FGF23: variants seen among roughly 807,000 people sequenced by gnomAD.
FGF23 encodes the protein fibroblast growth factor 23, also known as phosphatonin.
A neutral mutation model predicts 9.0 loss-of-function variants in FGF23; 8 were observed. That is an observed-to-expected ratio of 0.89 (90% CI 0.52 to 1.60). FGF23 has a LOEUF of 1.60. Among genes scored for constraint, FGF23 ranks in the 40% most tolerant of loss-of-function variants. The probability of loss-of-function intolerance (pLI) is 0.00; values close to 1 mark genes in which losing one functional copy is unlikely to be tolerated. For missense variants in FGF23, 311 were observed against 344.3 expected, an observed-to-expected ratio of 0.90 and a Z score of 0.77; for synonymous variants, 118 against 146.2, an observed-to-expected ratio of 0.81 and a Z score of 1.39.
chr12:4,375,216 C>T (rs1381612520), intron 1 of FGF23, among the ~76,000 whole-genome samples: 14 of 152,196 alleles, frequency 9.2e-5, no homozygotes, highest in Admixed American at 9.2e-4. Context: ...AAACAGAGGA[C>T]ATCACGTGGC....
Position 4,370,424 on chromosome 12 carries a change from C to A in FGF23, c.675G>T (p.Gly225=), listed in dbSNP as rs764669949. 1 of 1,613,680 alleles carries A rather than the reference C, an allele frequency of 6.2e-7. No homozygotes were observed. Among genetic ancestry groups the A allele is most frequent in the African/African-American group, 1.3e-5 (1 of 74,898 alleles). Residue 225 remains glycine (G), a synonymous_variant, in exon 3 of 3, where the codon GGG becomes GGT. Transcript: ENST00000237837. The part of the protein sequence containing the change: ...DNSPMASDPL[G]VVRGGRVNTH... ...TGTTCACTCGACCGCCCCTGACCAC[C>A]CCTAATGGGTCACTGGCCATCGGGC... is the stretch of plus-strand genomic sequence containing the variant.
At chr12:4,376,176 G>T (rs549880877) in intron 1 of FGF23, among the ~76,000 whole-genome samples, 2 of 152,134 alleles carry the variant, frequency 1.3e-5, no homozygotes, top group East Asian at 3.9e-4. Flanking sequence ...TTCATGGAAC[G>T]GGTGATAAGG....
chr12:4,377,201 T>G (rs1265935464), intron 1 of FGF23, among the ~76,000 whole-genome samples: 1 of 151,940 alleles, frequency 6.6e-6, no homozygotes, highest in Non-Finnish European at 1.5e-5. Context: ...GCCCAGGAGG[T>G]TGACTCTTCA....
intron 1 of FGF23, among the ~76,000 whole-genome samples, chr12:4,372,975 CAT>C (rs1197613147): frequency 3.3e-5 from 5 of 152,216 alleles, no homozygotes; most frequent in Non-Finnish European, 5.9e-5. Context: ...GTGCTGAACA[CAT>C]GTTTCTCTCT....
At chr12:4,379,281 A>G (rs1865151719) in intron 1 of FGF23, 91 bp downstream of exon 1, 1 of 1,104,960 alleles carries the variant, frequency 9.1e-7, no homozygotes, top group Non-Finnish European at 1.4e-6. Flanking sequence ...GGGTTGGATT[A>G]GCCCTCCAGT....
intron 1 of FGF23, among the ~76,000 whole-genome samples, 172 bp downstream of exon 1, chr12:4,379,200 C>T (rs561677600): frequency 2.0e-4 from 2 of 10,190 alleles, no homozygotes; most frequent in Non-Finnish European, 5.0e-4. Context: ...TAAATACACA[C>T]GCACACACAC....
At chr12:4,376,882 C>T (rs1333446426) in intron 1 of FGF23, among the ~76,000 whole-genome samples, 1 of 151,840 alleles carries the variant, frequency 6.6e-6, no homozygotes, top group Non-Finnish European at 1.5e-5. Context: ...TCCCATAATA[C>T]ACATGACAAC....
At chr12:4,377,494 A>C (rs983592025) in intron 1 of FGF23, among the ~76,000 whole-genome samples, 3 of 119,168 alleles carry the variant, frequency 2.5e-5, no homozygotes. Context: ...GCAGTGGCGC[A>C]ATCTCGGCTC....
intron 1 of FGF23, among the ~76,000 whole-genome samples, chr12:4,376,300 G>A (rs1865115695): frequency 6.6e-6 from 1 of 152,106 alleles, no homozygotes; most frequent in African/African-American, 2.4e-5. Context: ...GATGGGTTGT[G>A]CACTCAACTC....
Position 4,370,252 on chromosome 12 carries a change from T to A in FGF23, c.*91A>T, listed in dbSNP as rs1189376946. 1.5e-6 allele frequency: 2 copies of A among 1,316,798 alleles called. No homozygotes were observed. Among genetic ancestry groups the A allele is most frequent in the Non-Finnish European group, 2.2e-6 (2 of 923,314 alleles). The allele number at this position is 1,316,798 out of a possible 1,614,324, so 81.6% of individuals were successfully genotyped here. A position where few individuals can be genotyped will look rare whatever the true frequency, so the allele number is the denominator to read the frequency against. ...AAATTCCATACATGCCCCTGTCACC[T>A]TTCCCATCCTCGGAACGTCAAGGGA... On this transcript the variant is annotated 3_prime_UTR_variant, in exon 3 of 3. Transcript: ENST00000237837.
intron 2 of FGF23, 134 bp downstream of exon 2, chr12:4,372,460 G>A (rs1001036478): frequency 2.8e-6 from 2 of 704,210 alleles, no homozygotes; most frequent in Non-Finnish European, 5.2e-6. Flanking sequence ...TACTTAGACT[G>A]CATGAAGTAT....
In FGF23 at chr12:4,379,561, G is replaced by A; in HGVS notation, c.22C>T (p.Leu8Phe). 1.2e-6 allele frequency: 2 copies of A among 1,607,582 alleles called. No individual in the cohort carries two copies. Among genetic ancestry groups the A allele is most frequent in the Non-Finnish European group, 8.5e-7 (1 of 1,178,572 alleles). ...ACGCTGCACAAGGCACAGACCCAGA[G>A]CCTGAGGCGGGCCCCCAACATCGTG... Reference protein sequence around the residue: MLGARLRLWVCALCSVCS... With the variant: MLGARLRFWVCALCSVCS... The change falls in exon 1 of 3, where the codon CTC (leucine) becomes TTC (phenylalanine). Residue 8 changes from leucine to phenylalanine, a missense_variant. This residue lies in a region of FGF23 where 102 missense variants were observed against 108.2 expected (regional missense o/e 0.94). Coordinates refer to ENST00000237837, the MANE Select transcript of FGF23 (RefSeq NM_020638.3).
rs11397562 is a variant in FGF23, at chr12:4,377,422, C to CTTTTTTT, written c.211+1943_211+1949dup. 1.3e-4 allele frequency among the ~76,000 whole-genome samples: 9 copies of CTTTTTTT among 69,478 alleles called. 2 individuals are homozygous for CTTTTTTT. Among genetic ancestry groups the CTTTTTTT allele is most frequent in the African/African-American group, 1.7e-4 (3 of 17,346 alleles). 45.6% of individuals were successfully genotyped at this position (69,478 alleles called of 152,430 possible). A position where few individuals can be genotyped will look rare whatever the true frequency, so the allele number is the denominator to read the frequency against. ...TTCTGCATTTTAAATCACATATAGTCTTTTTTTTTTTTTTTTTTTTTTTTT... is the reference window on the plus strand; with the variant it reads ...TTCTGCATTTTAAATCACATATAGTCTTTTTTTTTTTTTTTTTTTTTTTTTTTTTTTT... On this transcript the variant is annotated intron_variant, in intron 1 of 2. Transcript: ENST00000237837.
intron 2 of FGF23, among the ~76,000 whole-genome samples, chr12:4,372,253 C>G (rs201557487): frequency 6.6e-6 from 1 of 150,694 alleles, no homozygotes; most frequent in African/African-American, 2.4e-5. Flanking sequence ...GTGCAGCACA[C>G]CAGCATGGCA....
At position 4,376,971 on chromosome 12, in the gene FGF23, C is replaced by T. The variant is rs187849435; in HGVS notation, c.211+2401G>A. 6.6e-5 allele frequency among the ~76,000 whole-genome samples: 10 copies of T among 152,270 alleles called. No homozygotes were observed. In the East Asian group the frequency reaches 1.9e-3, roughly 29 times the overall value. On this transcript the variant is annotated intron_variant, in intron 1 of 2. Transcript: ENST00000237837. ...TCCCACTACCCTGACCCGAAGTTCC[C>T]CTCCCCGCATTCATGTTTAACTCTT...
intron 1 of FGF23, among the ~76,000 whole-genome samples, chr12:4,375,325 C>T (rs549006763): frequency 1.2e-3 from 189 of 152,296 alleles, no homozygotes; most frequent in African/African-American, 4.3e-3. Context: ...ACACACGCTC[C>T]TGGTTTCCAG....
rs1381020048 is a variant in FGF23 at position 4,370,371 on chromosome 12, C to A, written c.728G>T (p.Gly243Val). The change falls in exon 3 of 3, where the codon GGC becomes GTC. Residue 243 changes from glycine (G) to valine (V), a missense_variant. Coordinates refer to ENST00000237837, the MANE Select transcript of FGF23 (RefSeq NM_020638.3). The part of the protein sequence containing the change: ...NTHAGGTGPE[G>V]CRPFAKFI Reference sequence around the variant, plus strand: ...GATGAACTTGGCGAAGGGGCGGCAGCCTTCCGGGCCCGTTCCCCCAGCGTG... The same window carrying A: ...GATGAACTTGGCGAAGGGGCGGCAGACTTCCGGGCCCGTTCCCCCAGCGTG... The A allele has an allele frequency of 6.2e-7, 1 of 1,613,664 alleles. No homozygotes were observed. Among genetic ancestry groups the A allele is most frequent in the Non-Finnish European group, 8.5e-7 (1 of 1,180,012 alleles).
intron 1 of FGF23, among the ~76,000 whole-genome samples, chr12:4,375,738 T>A (rs1865110184): frequency 6.6e-6 from 1 of 152,212 alleles, no homozygotes; most frequent in Admixed American, 6.5e-5. Context: ...TTAACTCTTG[T>A]TTTTTCACAT....
At position 4,370,694 on chromosome 12, in the gene FGF23, C is replaced by G; in HGVS notation, c.405G>C (p.Leu135=). 1.2e-6 allele frequency: 2 copies of G among 1,614,146 alleles called. No individual in the cohort carries two copies. ...DVYHSPQYHF[L]VSLGRAKRAF... is the part of the protein sequence containing the mutation. ...CTCTCTTCGCCCGGCCCAGACTGAC[C>G]AGGAAGTGATACTGAGGAGAGTGGT... Residue 135 remains leucine, a synonymous_variant, in exon 3 of 3, where the codon CTG becomes CTC. Coordinates refer to ENST00000237837, the MANE Select transcript of FGF23 (RefSeq NM_020638.3).
Sources: gnomAD v4.1 joint callset for allele counts (sites outside exome capture counted in the v4.1 genomes callset) on GRCh38, gnomAD v4.1.1 for gene constraint, gnomAD v4.1.1 regional missense constraint, MANE v1.5 for transcripts, NCBI Gene and HGNC (gene_info 2026-07-23, HGNC 2026-07-21) for gene names.